Variants in PCDHGA1 observed in about 807,000 individuals in gnomAD.
The protein encoded by PCDHGA1 is protocadherin gamma subfamily A, 1.
A neutral mutation model predicts 58.0 loss-of-function variants in PCDHGA1; 32 were observed. That is an observed-to-expected ratio of 0.55 (90% CI 0.42 to 0.74). The LOEUF (loss-of-function observed/expected upper bound fraction) is 0.74. PCDHGA1 is among the 30% of genes least tolerant of loss of function. The pLI is 0.00. For synonymous variants in PCDHGA1, 498 were observed against 501.1 expected (o/e 0.99, Z 0.08); for missense variants, 1,205 against 1,182.3 (o/e 1.02, Z -0.28).
Position 141,341,032 on chromosome 5 carries a change from G to C in PCDHGA1, c.2421+7927G>C, listed in dbSNP as rs142977117. The C allele has an allele frequency of 9.0e-4, 1,447 of 1,614,112 alleles. 11 individuals are homozygous for C. In the African/African-American group the frequency reaches 0.016, roughly 18 times the overall value. On this transcript the variant is annotated intron_variant, in intron 1 of 3. Coordinates refer to ENST00000517417, the MANE Select transcript of PCDHGA1 (RefSeq NM_018912.3). ...AGCCCTCCGCCATACCCAACGATTC[G>C]GACCTCACTCTGTACCTGGTGGTGG...
At chr5:141,410,479 G>A in intron 1 of PCDHGA1, 2 of 1,613,956 alleles carry the variant, frequency 1.2e-6, no homozygotes, top group Non-Finnish European at 1.7e-6. Flanking sequence ...TTGCACATAC[G>A]GGTACAAAAG....
rs775979127 is a variant in PCDHGA1, at chr5:141,330,766, G to A, written c.82G>A (p.Ala28Thr). 2.5e-6 allele frequency: 4 copies of A among 1,614,084 alleles called. No homozygotes were observed. The Admixed American group carries it at 6.7e-5, about 27-fold the overall frequency. ...LSLELLLEAG[A>T]GNIHYSVPEE... is the part of the protein sequence containing the mutation. ...TCTGGAGCTGCTGTTGGAAGCTGGG[G>A]CTGGGAATATTCACTACTCAGTGCC... The change falls in exon 1 of 4, where the codon GCT (alanine) becomes ACT (threonine). Residue 28 changes from alanine (A) to threonine (T), a missense_variant. Transcript: ENST00000517417.
intron 1 of PCDHGA1, chr5:141,342,657 T>C (rs1332146247): frequency 2.0e-5 from 3 of 152,342 alleles, no homozygotes; most frequent in East Asian, 3.9e-4. Flanking sequence ...TGTAAGTGAA[T>C]AATAAAGTAT....
intron 3 of PCDHGA1, among the ~76,000 whole-genome samples, chr5:141,509,336 GC>G (rs2099876304): frequency 6.6e-6 from 1 of 152,178 alleles, no homozygotes; most frequent in Non-Finnish European, 1.5e-5. Context: ...TGCCAGCTGG[GC>G]CTGGGCTGGC....
intron 1 of PCDHGA1, chr5:141,345,660 A>T: frequency 1.2e-6 from 2 of 1,614,210 alleles, no homozygotes; most frequent in Non-Finnish European, 1.7e-6. Context: ...CCCTCCACTC[A>T]GCAGCAACGT....
At chr5:141,438,303 T>G (rs2097949191) in intron 1 of PCDHGA1, among the ~76,000 whole-genome samples, 1 of 152,068 alleles carries the variant, frequency 6.6e-6, no homozygotes, top group African/African-American at 2.4e-5. Flanking sequence ...TAAAAGAAGT[T>G]GGTACCACCA....
intron 1 of PCDHGA1, chr5:141,409,896 C>T (rs1181128940): frequency 6.2e-7 from 1 of 1,613,240 alleles, no homozygotes; most frequent in East Asian, 2.2e-5. Flanking sequence ...GTGCTGTACC[C>T]AGCTCTGGGT....
chr5:141,395,273 A>G, intron 1 of PCDHGA1: 1 of 1,543,700 alleles, frequency 6.5e-7, no homozygotes, highest in Non-Finnish European at 8.7e-7. Context: ...TAATTTCCAG[A>G]TGAATTTTAT....
At position 141,459,716 on chromosome 5, in the gene PCDHGA1, C is replaced by T. The variant is rs1592633942; in HGVS notation, c.2422-35091C>T. On this transcript the variant is annotated intron_variant, in intron 1 of 3. Coordinates refer to ENST00000517417, the MANE Select transcript of PCDHGA1 (RefSeq NM_018912.3). ...CGCTTGCTACATTTTCTCACCAATG[C>T]TTCCTATTGTCAATTTTTTAAATTT... is the stretch of plus-strand genomic sequence containing the variant. Among the ~76,000 whole-genome samples the T allele has an allele frequency of 2.0e-5, 3 of 152,334 alleles. No homozygotes were observed. In the South Asian group the frequency reaches 6.2e-4, roughly 32 times the overall value.
intron 1 of PCDHGA1, chr5:141,418,388 T>C: frequency 6.2e-7 from 1 of 1,613,942 alleles, no homozygotes; most frequent in Non-Finnish European, 8.5e-7. Flanking sequence ...TCCTAACGAG[T>C]ATTTCTCATT....
At chr5:141,478,444 T>C (rs1190996745) in intron 1 of PCDHGA1, 1 of 1,613,478 alleles carries the variant, frequency 6.2e-7, no homozygotes, top group Non-Finnish European at 8.5e-7. Flanking sequence ...TGAAGAAACC[T>C]GGTGCAGCCA....
intron 1 of PCDHGA1, chr5:141,405,551 A>G: frequency 1.6e-6 from 1 of 623,672 alleles, no homozygotes; most frequent in Non-Finnish European, 2.8e-6. Context: ...TCCCAAGTAG[A>G]GTAGCTGGGA....
intron 1 of PCDHGA1, chr5:141,433,069 C>T (rs561950316): frequency 2.5e-6 from 4 of 1,614,080 alleles, no homozygotes; most frequent in African/African-American, 1.3e-5. Context: ...ACCTGATCTT[C>T]CCCCAGCCCA....
At position 141,477,483 on chromosome 5, in the gene PCDHGA1, A is replaced by T; in HGVS notation, c.2422-17324A>T. ...TCCGACATCAATGACAACCCTCCAC[A>T]ATCTTCTCAATCTTCCTACGACGTT... On this transcript the variant is annotated intron_variant, in intron 1 of 3. Coordinates refer to ENST00000517417, the MANE Select transcript of PCDHGA1 (RefSeq NM_018912.3). The surrounding 1 kb of genome is among the most constrained non-coding windows in gnomAD (Gnocchi z 4.9). 1 of 1,614,028 alleles carries T rather than the reference A, an allele frequency of 6.2e-7. No homozygotes were observed.
rs994324285 is a variant in PCDHGA1 at position 141,455,094 on chromosome 5, G to A, written c.2422-39713G>A. Among the ~76,000 whole-genome samples the A allele has an allele frequency of 3.3e-5, 5 of 152,104 alleles. No individual in the cohort carries two copies. In the Middle Eastern group the frequency reaches 0.014, roughly 414 times the overall value. ...CCCAAAGTGCTGGGATTACAGGCTT[G>A]AGCCACTGCGCCCGGTGGGTCTAAT... On this transcript the variant is annotated intron_variant, in intron 1 of 3. Coordinates refer to ENST00000517417, the MANE Select transcript of PCDHGA1 (RefSeq NM_018912.3).
Position 141,485,432 on chromosome 5 carries a change from A to C in PCDHGA1, c.2422-9375A>C. The C allele has an allele frequency of 6.2e-7, 1 of 1,614,178 alleles. No individual in the cohort carries two copies. Among genetic ancestry groups the C allele is most frequent in the Non-Finnish European group, 8.5e-7 (1 of 1,180,028 alleles). ...TTTGGACAGCGGAGCCCTGCTCATC[A>C]AGAACCCAATCGACCGAGAGGCACT... On this transcript the variant is annotated intron_variant, in intron 1 of 3. Transcript: ENST00000517417. The surrounding 1 kb of genome is among the most constrained non-coding windows in gnomAD (Gnocchi z 5.7).
chr5:141,372,008 C>A (rs774155523), intron 1 of PCDHGA1: 3 of 1,613,290 alleles, frequency 1.9e-6, no homozygotes, highest in East Asian at 4.5e-5. Flanking sequence ...GCGACCAGGG[C>A]TCGCCTACGC....
At chr5:141,365,624 C>A in intron 1 of PCDHGA1, 1 of 1,613,680 alleles carries the variant, frequency 6.2e-7, no homozygotes, top group Non-Finnish European at 8.5e-7. Context: ...AACCCCGCCC[C>A]TCTCTACAGA....
rs1475890417 is a variant in PCDHGA1 at position 141,330,824 on chromosome 5, A to G, written c.140A>G (p.Asn47Ser). 4.3e-6 allele frequency: 7 copies of G among 1,614,082 alleles called. No homozygotes were observed. Among genetic ancestry groups the G allele is most frequent in the Non-Finnish European group, 5.9e-6 (7 of 1,180,050 alleles). The change falls in exon 1 of 4, where the codon AAC becomes AGC. Residue 47 changes from asparagine to serine, a missense_variant. Asn to Ser is a conservative substitution (Grantham distance 46). Coordinates refer to ENST00000517417, the MANE Select transcript of PCDHGA1 (RefSeq NM_018912.3). ...EETDKGSFVG[N>S]IAKDLGLQPQ... ...ACAGACAAAGGTTCCTTCGTAGGCA[A>G]CATCGCCAAGGACCTAGGGCTGCAA... is the stretch of plus-strand genomic sequence containing the variant.
Sources: gnomAD v4.1 joint callset for allele counts (sites outside exome capture counted in the v4.1 genomes callset) on GRCh38, gnomAD v4.1.1 for gene constraint, Gnocchi (gnomAD v3.1) non-coding constraint, MANE v1.5 for transcripts, NCBI Gene and HGNC (gene_info 2026-07-23, HGNC 2026-07-21) for gene names.